Variants in UNC13C observed in about 807,000 individuals in gnomAD.
UNC13C encodes the protein protein unc-13 homolog C.
In UNC13C, 174 loss-of-function variants were observed where a neutral mutation model predicts 245.4. The observed-to-expected ratio is 0.71, with a 90% confidence interval of 0.63 to 0.80. The LOEUF (loss-of-function observed/expected upper bound fraction) is 0.80, where lower values mean the gene tolerates loss of function less well. Among genes scored for constraint, UNC13C ranks in the 30% least tolerant of loss-of-function variants. UNC13C has a pLI of 0.00. For synonymous variants in UNC13C, 992 were observed against 895.1 expected (o/e 1.11, Z -1.93); for missense variants, 2,829 against 2,602.9 (o/e 1.09, Z -1.89).
chr15:54,192,898 CCA>C (rs71436273), intron 4 of UNC13C, among the ~76,000 whole-genome samples: 45 of 147,750 alleles, frequency 3.0e-4, no homozygotes, highest in Non-Finnish European at 3.2e-4. Flanking sequence ...TTTCTCTGTG[CCA>C]CACACACACA....
the UNC13C span, among the ~76,000 whole-genome samples, chr15:53,867,331 A>G: frequency 6.6e-6 from 1 of 152,224 alleles, no homozygotes; most frequent in Non-Finnish European, 1.5e-5. Flanking sequence ...AACTATAATG[A>G]ACTAGAATTT....
chr15:53,965,356 T>C, the UNC13C span, among the ~76,000 whole-genome samples: 1 of 152,062 alleles, frequency 6.6e-6, no homozygotes, highest in Non-Finnish European at 1.5e-5. Context: ...TGAACTCTTT[T>C]TAAACACAGC....
At chr15:54,608,623 T>C (rs974666308) in intron 30 of UNC13C, among the ~76,000 whole-genome samples, 1 of 152,202 alleles carries the variant, frequency 6.6e-6, no homozygotes, top group Non-Finnish European at 1.5e-5. Flanking sequence ...TTGTTTTTAG[T>C]CTATATTTTT....
intron 20 of UNC13C, among the ~76,000 whole-genome samples, chr15:54,498,694 G>T (rs1344736086): frequency 6.6e-6 from 1 of 152,024 alleles, no homozygotes; most frequent in Non-Finnish European, 1.5e-5. Flanking sequence ...TAAATGTGAT[G>T]AACGGCGTAC....
At chr15:54,383,349 A>C (rs1476747992) in intron 17 of UNC13C, among the ~76,000 whole-genome samples, 1 of 152,168 alleles carries the variant, frequency 6.6e-6, no homozygotes, top group Non-Finnish European at 1.5e-5. Flanking sequence ...TGATCAAGTG[A>C]GATTTATCCC....
chr15:54,369,615 T>C (rs1021391046), intron 17 of UNC13C, among the ~76,000 whole-genome samples: 1 of 152,178 alleles, frequency 6.6e-6, no homozygotes, highest in Non-Finnish European at 1.5e-5. Flanking sequence ...AGCCTAACTT[T>C]AGTTATTTAC....
chr15:54,336,254 T>A lies in UNC13C; in HGVS notation c.4585-2107T>A, dbSNP rs562632795. Among the ~76,000 whole-genome samples the A allele has an allele frequency of 2.0e-5, 3 of 152,162 alleles. No homozygotes were observed. In the South Asian group the frequency reaches 6.2e-4, roughly 32 times the overall value. On this transcript the variant is annotated intron_variant, in intron 16 of 32. Transcript: ENST00000260323. ...TGCAGAATGGCTAAATCTAGCTAATTAACGTATGCATTACCTCACAAAGTT... is the reference window on the plus strand; with the variant it reads ...TGCAGAATGGCTAAATCTAGCTAATAAACGTATGCATTACCTCACAAAGTT...
intron 2 of UNC13C, among the ~76,000 whole-genome samples, chr15:54,046,472 T>C (rs868242225): frequency 6.6e-6 from 1 of 152,196 alleles, no homozygotes; most frequent in Admixed American, 6.5e-5. Context: ...ATTTATTTTA[T>C]TGTGAATGAA....
At chr15:54,562,017 A>G (rs1897314283) in intron 29 of UNC13C, among the ~76,000 whole-genome samples, 1 of 151,978 alleles carries the variant, frequency 6.6e-6, no homozygotes, top group African/African-American at 2.4e-5. Flanking sequence ...TTCCACCAAG[A>G]AAAATGGGAG....
intron 2 of UNC13C, among the ~76,000 whole-genome samples, chr15:54,069,578 ATGT>A (rs1898225914): frequency 6.6e-6 from 1 of 152,138 alleles, no homozygotes; most frequent in Non-Finnish European, 1.5e-5. Context: ...TTTGTGTCAA[ATGT>A]TGTTTTTTAT....
At chr15:54,236,848 A>C (rs2035713883) in intron 6 of UNC13C, among the ~76,000 whole-genome samples, 1 of 152,200 alleles carries the variant, frequency 6.6e-6, no homozygotes, top group East Asian at 1.9e-4. Flanking sequence ...CAGGTGATCA[A>C]GAATGCATTA....
At position 54,250,443 on chromosome 15, in the gene UNC13C, G is replaced by T. The variant is rs762645407; in HGVS notation, c.3447G>T (p.Gln1149His). 1.2e-6 allele frequency: 2 copies of T among 1,603,486 alleles called. No homozygotes were observed. Among genetic ancestry groups the T allele is most frequent in the Non-Finnish European group, 1.7e-6 (2 of 1,174,370 alleles). The change falls in exon 8 of 33, where the codon CAG (glutamine) becomes CAT (histidine). Residue 1149 changes from glutamine to histidine, a missense_variant and splice_region_variant. By Grantham distance (24) the Gln-to-His change is conservative (BLOSUM62 0). Coordinates refer to ENST00000260323, the MANE Select transcript of UNC13C (RefSeq NM_001080534.3). ...ACCTGCTAAACGCTGACTGCTTGCA[G>T]AGTGAGTACTTGGTTTGGCTGAAAA... is the stretch of plus-strand genomic sequence containing the variant. ...CQDLLNADCL[Q>H]RAAEKSSKHG...
At chr15:54,630,218 G>C (rs1451686423), downstream of UNC13C, 1 of 152,178 alleles carries the variant, frequency 6.6e-6, no homozygotes, top group Non-Finnish European at 1.5e-5. Context: ...TTTAAACCCA[G>C]AGTGGAGTAT....
chr15:54,377,986 T>G (rs1428184314), intron 17 of UNC13C, among the ~76,000 whole-genome samples: 1 of 152,184 alleles, frequency 6.6e-6, no homozygotes, highest in African/African-American at 2.4e-5. Flanking sequence ...ATGTAGTCAA[T>G]TTTTAGATAC....
intron 24 of UNC13C, among the ~76,000 whole-genome samples, chr15:54,512,058 G>A (rs1180920461): frequency 6.6e-6 from 1 of 152,058 alleles, no homozygotes; most frequent in Non-Finnish European, 1.5e-5. Context: ...GTAGCCTTTG[G>A]TCTTCTGTGT....
intron 30 of UNC13C, among the ~76,000 whole-genome samples, chr15:54,595,054 A>G (rs970376125): frequency 6.6e-6 from 1 of 152,244 alleles, no homozygotes; most frequent in Non-Finnish European, 1.5e-5. Flanking sequence ...GTCATTCGAT[A>G]AGATGTATAG....
chr15:53,847,946 T>C, the UNC13C span, among the ~76,000 whole-genome samples: 2 of 152,198 alleles, frequency 1.3e-5, no homozygotes, highest in Non-Finnish European at 2.9e-5. Context: ...GACCTTGACA[T>C]AATTTATTGA....
At chr15:54,167,224 C>T (rs2033193911) in intron 4 of UNC13C, among the ~76,000 whole-genome samples, 1 of 151,908 alleles carries the variant, frequency 6.6e-6, no homozygotes, top group African/African-American at 2.4e-5. Flanking sequence ...GAGACGGGGC[C>T]GGGTGCGATG....
chr15:54,201,673 T>C (rs895150183), intron 4 of UNC13C, among the ~76,000 whole-genome samples: 9 of 151,820 alleles, frequency 5.9e-5, no homozygotes, highest in Non-Finnish European at 1.0e-4. Context: ...GTTAAGGTAA[T>C]AAATCCATCT....
Sources: allele counts gnomAD v4.1 joint callset (sites outside exome capture counted in the v4.1 genomes callset), GRCh38; gene constraint gnomAD v4.1.1; transcripts MANE v1.5; gene names NCBI Gene and HGNC (gene_info 2026-07-23, HGNC 2026-07-21).